INTS6L: variants seen among roughly 807,000 people sequenced by gnomAD.
INTS6L encodes integrator complex subunit 6 like.
INTS6L carries 18 observed loss-of-function variants against 64.7 expected under a neutral mutation model. The observed-to-expected ratio is 0.28, with a 90% CI of 0.19 to 0.41. The LOEUF (loss-of-function observed/expected upper bound fraction) is 0.41. INTS6L is among the 10% of genes least tolerant of loss of function. The pLI, the probability that INTS6L is intolerant of heterozygous loss-of-function variation, is 1.00. For missense variants in INTS6L, 533 were observed against 661.0 expected (o/e 0.81, Z 2.12); for synonymous variants, 227 against 235.9 (o/e 0.96, Z 0.34).
intron 2 of INTS6L, among the ~76,000 whole-genome samples, chrX:135,535,389 C>A (rs2086027858): frequency 8.9e-6 from 1 of 112,071 alleles, no homozygotes; most frequent in South Asian, 3.7e-4. Flanking sequence ...GAATTGGAGT[C>A]CATTTTAATT....
At position 135,569,373 on chromosome X, in the gene INTS6L, T is replaced by C. The variant is rs2087034449; in HGVS notation, c.1229T>C (p.Leu410Pro). Residue 410 changes from leucine to proline, a missense_variant, in exon 10 of 18, where the codon CTG (leucine) becomes CCG (proline). Physicochemically the swap from Leu to Pro is moderately conservative, Grantham distance 98. Transcript: ENST00000639893. ...AAAGTTCACAAGCTTAAGCCAAATC[T>C]GAAGTGGCGACAGGCTTTTGACAGC... ...LFKVHKLKPN[L>P]KWRQAFDSYL... 8.4e-7 allele frequency: 1 copy of C among 1,190,348 alleles called. No homozygotes were observed. Among genetic ancestry groups the C allele is most frequent in the Non-Finnish European group, 1.1e-6 (1 of 885,403 alleles).
intron 2 of INTS6L, among the ~76,000 whole-genome samples, chrX:135,540,014 C>A (rs2086162381): frequency 8.9e-6 from 1 of 111,842 alleles, no homozygotes; most frequent in Admixed American, 9.4e-5. Context: ...CAAAATGTAA[C>A]AGAGAAACAC....
intron 3 of INTS6L, among the ~76,000 whole-genome samples, chrX:135,546,149 A>G (rs184704784): frequency 3.0e-4 from 34 of 111,877 alleles, no homozygotes; most frequent in African/African-American, 1.1e-3. Flanking sequence ...TTTGAATGTT[A>G]ATGGTTTGGG....
chrX:135,572,788 A>C (rs782024008), intron 11 of INTS6L, 27 bp from the exon 12 acceptor site: 5 of 1,156,909 alleles, frequency 4.3e-6, no homozygotes, highest in Non-Finnish European at 5.8e-6. Flanking sequence ...AGATGTTTTT[A>C]TAACATACTA....
At chrX:135,581,411 G>A (rs1421793032) in intron 17 of INTS6L, 117 bp from the exon 18 acceptor site, 1 of 570,481 alleles carries the variant, frequency 1.8e-6, no homozygotes, top group Non-Finnish European at 2.8e-6. Context: ...TTTCCATGAG[G>A]ACAATCTTTA....
At position 135,581,906 on chromosome X, in the gene INTS6L, C is replaced by G. The variant is rs192400435; in HGVS notation, c.*270C>G. 0.028 allele frequency: 7,053 copies of G among 253,959 alleles called. 111 individuals carry two copies. Among genetic ancestry groups the G allele is most frequent in the Non-Finnish European group, 0.038 (5,482 of 145,727 alleles). The allele number at this position is 253,959 out of a possible 1,213,427, so 20.9% of individuals were successfully genotyped here. ...CACAGGCTAAATTCGGTAAACACCACTGCCCCTACCACGGGTAATGAGAGG... is the reference window on the plus strand; with the variant it reads ...CACAGGCTAAATTCGGTAAACACCAGTGCCCCTACCACGGGTAATGAGAGG... On this transcript the variant is annotated 3_prime_UTR_variant, in exon 18 of 18. Coordinates refer to ENST00000639893, the MANE Select transcript of INTS6L (RefSeq NM_001351601.3).
intron 9 of INTS6L, among the ~76,000 whole-genome samples, chrX:135,560,352 C>T (rs1472814134): frequency 8.9e-6 from 1 of 111,821 alleles, no homozygotes; most frequent in African/African-American, 3.3e-5. Context: ...ATGTCATCTG[C>T]AAATAGAGAC....
chrX:135,581,754 C>A lies in INTS6L; in HGVS notation c.*118C>A. 2 of 551,158 alleles carry A rather than the reference C, an allele frequency of 3.6e-6. No homozygotes were observed. The highest frequency in any genetic ancestry group is 5.9e-6 in the Non-Finnish European group (2 of 340,292). The allele number at this position is 551,158 out of a possible 1,213,427, so 45.4% of individuals were successfully genotyped here. The stretch of plus-strand genomic sequence containing the variant: ...GAATTGCTTTCCAGATGCTAAGAAG[C>A]AGCAGTGGGGCTTTTGAATTTTATG... On this transcript the variant is annotated 3_prime_UTR_variant, in exon 18 of 18. Transcript: ENST00000639893.
Position 135,579,797 on chromosome X carries a change from T to C in INTS6L, c.2129T>C (p.Ile710Thr), listed in dbSNP as rs1241795898. The change falls in exon 16 of 18, where the codon ATC becomes ACC. Residue 710 changes from isoleucine (I) to threonine (T), a missense_variant. By Grantham distance (89) the Ile-to-Thr change is moderately conservative. Coordinates refer to ENST00000639893, the MANE Select transcript of INTS6L (RefSeq NM_001351601.3). ...KPTLVHTDATIIHDGHEEKME... is the reference protein window; with the variant it reads ...KPTLVHTDATTIHDGHEEKME... ...TTCATTTGGTTTCCAGATGCTACTA[T>C]CATTCACGATGGCCATGAGGAGAAG... 4 of 1,182,522 alleles carry C rather than the reference T, an allele frequency of 3.4e-6. No individual in the cohort carries two copies. The highest frequency in any genetic ancestry group is 2.3e-5 in the Admixed American group (1 of 43,283).
In INTS6L at chrX:135,572,778, A is replaced by G. The variant is rs782685748; in HGVS notation, c.1399-37A>G. 6.4e-6 allele frequency: 7 copies of G among 1,101,323 alleles called. No homozygotes were observed. In the East Asian group the frequency reaches 9.1e-5, roughly 14 times the overall value. 90.8% of individuals were successfully genotyped at this position (1,101,323 alleles called of 1,213,427 possible). On this transcript the variant is annotated intron_variant, in intron 11 of 17. Coordinates refer to ENST00000639893, the MANE Select transcript of INTS6L (RefSeq NM_001351601.3). ...GTAGTAAAAATGACAGTGGTAATGT[A>G]GATGTTTTTATAACATACTATGTAC...
intron 2 of INTS6L, among the ~76,000 whole-genome samples, chrX:135,544,338 G>A (rs5975541): frequency 0.076 from 8,486 of 111,601 alleles, 505 homozygotes; most frequent in African/African-American, 0.19. Flanking sequence ...TGCTCTGGAA[G>A]ACCATGAAAC....
At chrX:135,524,485 ATTGT>A (rs1226677095) in intron 2 of INTS6L, among the ~76,000 whole-genome samples, 1 of 109,122 alleles carries the variant, frequency 9.2e-6, no homozygotes, top group Non-Finnish European at 1.9e-5. Flanking sequence ...TTTGAGCGCC[ATTGT>A]TTCTCTTTTT....
chrX:135,531,292 C>A (rs5930728), intron 2 of INTS6L, among the ~76,000 whole-genome samples: 38,897 of 110,360 alleles, frequency 0.35, 6,023 homozygotes, highest in South Asian at 0.64. Flanking sequence ...CAAAGTCTTT[C>A]CCTTGGGGAG....
At chrX:135,559,518 A>G (rs781879518) in intron 9 of INTS6L, among the ~76,000 whole-genome samples, 1 of 112,198 alleles carries the variant, frequency 8.9e-6, no homozygotes, top group South Asian at 3.7e-4. Context: ...ACATTAATAT[A>G]CCACAGTTTC....
At chrX:135,557,804 A>G (rs1345818621) in intron 9 of INTS6L, among the ~76,000 whole-genome samples, 12 of 112,206 alleles carry the variant, frequency 1.1e-4, no homozygotes, top group Admixed American at 4.7e-4. Flanking sequence ...GACTATATCA[A>G]CCTTAAAAGC....
In INTS6L at chrX:135,573,988, G is replaced by T. The variant is rs1556529330; in HGVS notation, c.1667G>T (p.Gly556Val). Residue 556 changes from glycine (G) to valine (V), a missense_variant, in exon 13 of 18, where the codon GGT (glycine) becomes GTT (valine). Physicochemically the swap from Gly to Val is moderately radical, Grantham distance 109. Coordinates refer to ENST00000639893, the MANE Select transcript of INTS6L (RefSeq NM_001351601.3). ...YRNAYDIPRR[G>V]LLDQLTRMRS... The stretch of plus-strand genomic sequence containing the variant: ...AATGCTTATGATATTCCCCGTAGAG[G>T]TCTTTTAGACCAGCTGACCAGAATG... The T allele has an allele frequency of 1.7e-6, 2 of 1,203,886 alleles. No homozygotes were observed. Among genetic ancestry groups the T allele is most frequent in the South Asian group, 3.6e-5 (2 of 55,364 alleles).
chrX:135,568,723 T>G (rs1227303192), intron 9 of INTS6L, among the ~76,000 whole-genome samples: 2 of 110,037 alleles, frequency 1.8e-5, no homozygotes, highest in African/African-American at 6.6e-5. Context: ...GTTTATTTTT[T>G]TTATAGAGAC....
chrX:135,551,978 A>T lies in INTS6L; in HGVS notation c.907-16A>T, dbSNP rs782400888. The T allele has an allele frequency of 4.5e-6, 5 of 1,113,746 alleles. No individual in the cohort carries two copies. The highest frequency in any genetic ancestry group is 5.9e-6 in the Non-Finnish European group (5 of 849,826). The allele number at this position is 1,113,746 out of a possible 1,213,427, so 91.8% of individuals were successfully genotyped here. A position where few individuals can be genotyped will look rare whatever the true frequency, so the allele number is the denominator to read the frequency against. ...CCTAACCATTTTTTCTGCTTTTTTTAAAAAATTTTTTTTAGCCTCCACGAA... is the reference window on the plus strand; with the variant it reads ...CCTAACCATTTTTTCTGCTTTTTTTTAAAAATTTTTTTTAGCCTCCACGAA... On this transcript the variant is annotated splice_polypyrimidine_tract_variant and intron_variant, in intron 7 of 17. Coordinates refer to ENST00000639893, the MANE Select transcript of INTS6L (RefSeq NM_001351601.3).
In INTS6L at chrX:135,521,112, A is replaced by C. The variant is rs368941051; in HGVS notation, c.111+9A>C. The C allele has an allele frequency of 8.3e-7, 1 of 1,200,715 alleles. No individual in the cohort carries two copies. The highest frequency in any genetic ancestry group is 1.1e-6 in the Non-Finnish European group (1 of 888,232). ...TGGAGTTATTCTTGAAGGTAAAGGG[A>C]GGGGAGGGGAGAGATGGGGAGAGCT... On this transcript the variant is annotated intron_variant, in intron 1 of 17. Transcript: ENST00000639893.
Sources: allele counts gnomAD v4.1 joint callset (sites outside exome capture counted in the v4.1 genomes callset), GRCh38; gene constraint gnomAD v4.1.1; transcripts MANE v1.5; gene names NCBI Gene and HGNC (gene_info 2026-07-23, HGNC 2026-07-21).